Variants in DENND1A observed in about 807,000 individuals in gnomAD.
DENND1A encodes DENN domain-containing protein 1A.
In DENND1A, 51 loss-of-function variants were observed where a neutral mutation model predicts 113.7. The observed-to-expected ratio is 0.45, with a 90% CI of 0.36 to 0.57. The LOEUF (loss-of-function observed/expected upper bound fraction) is 0.57. Among genes scored for constraint, DENND1A ranks in the 20% least tolerant of loss-of-function variants. DENND1A has a pLI of 0.00. For synonymous variants in DENND1A, 565 were observed against 570.8 expected, an observed-to-expected ratio of 0.99 and a Z score of 0.14; for missense variants, 1,258 against 1,395.9, an observed-to-expected ratio of 0.90 and a Z score of 1.57.
At chr9:123,456,582 A>G (rs1239740297) in intron 15 of DENND1A, among the ~76,000 whole-genome samples, 1 of 152,212 alleles carries the variant, frequency 6.6e-6, no homozygotes, top group East Asian at 1.9e-4. Flanking sequence ...AGGCTGAGGC[A>G]GGTGGATCAC....
chr9:123,848,746 T>C (rs1195412367), intron 2 of DENND1A, among the ~76,000 whole-genome samples: 1 of 152,192 alleles, frequency 6.6e-6, no homozygotes, highest in Non-Finnish European at 1.5e-5. Flanking sequence ...CCAAAGGAAA[T>C]GTTCTTGAAG....
chr9:123,505,466 T>A (rs1211266570), intron 13 of DENND1A, among the ~76,000 whole-genome samples: 1 of 152,206 alleles, frequency 6.6e-6, no homozygotes, highest in African/African-American at 2.4e-5. Context: ...AGTTAACATA[T>A]CCCTACCAGA....
At chr9:123,397,529 G>T (rs1470646885) in intron 21 of DENND1A, among the ~76,000 whole-genome samples, 2 of 152,150 alleles carry the variant, frequency 1.3e-5, no homozygotes, top group Non-Finnish European at 2.9e-5. Context: ...CAGTATGAGG[G>T]CAATAGTTAG....
At chr9:123,480,363 C>T (rs1463075328) in intron 13 of DENND1A, among the ~76,000 whole-genome samples, 1 of 152,200 alleles carries the variant, frequency 6.6e-6, no homozygotes, top group Non-Finnish European at 1.5e-5. Context: ...GCTTAGCGTG[C>T]CAGCCCCCCA....
intron 5 of DENND1A, among the ~76,000 whole-genome samples, chr9:123,734,987 A>G (rs1216778954): frequency 2.6e-5 from 4 of 152,144 alleles, no homozygotes; most frequent in Non-Finnish European, 4.4e-5. Context: ...GATTGCTCTC[A>G]TTACGTAGAT....
intron 1 of DENND1A, among the ~76,000 whole-genome samples, chr9:123,885,218 G>C (rs945702929): frequency 2.6e-5 from 4 of 152,150 alleles, no homozygotes; most frequent in Non-Finnish European, 5.9e-5. Flanking sequence ...CTATATCGCA[G>C]ACCAATTAAA....
chr9:123,527,243 T>C (rs1418170753), intron 13 of DENND1A, among the ~76,000 whole-genome samples: 1 of 152,214 alleles, frequency 6.6e-6, no homozygotes, highest in Non-Finnish European at 1.5e-5. Flanking sequence ...GACAGCCTCC[T>C]TGGCGGCTTC....
intron 2 of DENND1A, among the ~76,000 whole-genome samples, chr9:123,841,824 G>GGGTGAGCAGGAAGGCA (rs1841882585): frequency 6.6e-6 from 1 of 152,154 alleles, no homozygotes; most frequent in African/African-American, 2.4e-5. Flanking sequence ...TGAATATAGA[G>GGGTGAGCAGGAAGGCA]GGTGAGCAGG....
At chr9:123,815,990 GTAC>G (rs1306891677) in intron 2 of DENND1A, among the ~76,000 whole-genome samples, 3 of 125,356 alleles carry the variant, frequency 2.4e-5, no homozygotes, top group Non-Finnish European at 5.0e-5. Flanking sequence ...CAAAGTGACT[GTAC>G]TTTTTTTTTT....
At chr9:123,481,009 CACTG>C (rs927744081) in intron 13 of DENND1A, among the ~76,000 whole-genome samples, 4 of 152,250 alleles carry the variant, frequency 2.6e-5, no homozygotes, top group Non-Finnish European at 4.4e-5. Flanking sequence ...ATGCACTTCA[CACTG>C]ACTTTTTTTT....
intron 12 of DENND1A, among the ~76,000 whole-genome samples, chr9:123,562,291 G>C (rs1252386974): frequency 1.3e-5 from 2 of 152,068 alleles, no homozygotes; most frequent in Non-Finnish European, 2.9e-5. Context: ...CATGTCACTA[G>C]CTCAGTCCTG....
chr9:123,795,205 C>A (rs1833583175), intron 2 of DENND1A, among the ~76,000 whole-genome samples: 1 of 152,202 alleles, frequency 6.6e-6, no homozygotes, highest in Non-Finnish European at 1.5e-5. Context: ...GTCAACCTAT[C>A]AAGTTCCATT....
chr9:123,751,353 C>G (rs1465255341), intron 5 of DENND1A: 2 of 152,126 alleles, frequency 1.3e-5, no homozygotes, highest in East Asian at 3.9e-4. Context: ...AGTCCATATG[C>G]CAACTAGCAT....
chr9:123,479,849 T>C (rs1185148563), intron 13 of DENND1A, among the ~76,000 whole-genome samples: 1 of 152,240 alleles, frequency 6.6e-6, no homozygotes, highest in Non-Finnish European at 1.5e-5. Context: ...CTTTAGACGC[T>C]AACTGCAGGG....
At chr9:123,421,579 C>G (rs961690539) in intron 19 of DENND1A, among the ~76,000 whole-genome samples, 1 of 152,160 alleles carries the variant, frequency 6.6e-6, no homozygotes. Context: ...TCACCAGGCC[C>G]GTGTCCCTAC....
rs1199588049 is a variant in DENND1A at position 123,695,602 on chromosome 9, G to A, written c.303-18813C>T. Among the ~76,000 whole-genome samples the A allele has an allele frequency of 3.3e-5, 5 of 152,074 alleles. No individual in the cohort carries two copies. In the South Asian group the frequency reaches 6.2e-4, roughly 19 times the overall value. ...TGTGAGGTCCTTTGCTGGGTCCTGG[G>A]GCTAACAGGCGATTCTGATACAATC... On this transcript the variant is annotated intron_variant, in intron 5 of 23. Coordinates refer to ENST00000394215, the MANE Select transcript of DENND1A (RefSeq NM_001352964.2).
chr9:123,488,632 A>C (rs1181990728), intron 13 of DENND1A, among the ~76,000 whole-genome samples: 2 of 152,102 alleles, frequency 1.3e-5, no homozygotes, highest in African/African-American at 4.8e-5. Flanking sequence ...GGGCCTCCCC[A>C]CTCCACGTCC....
intron 13 of DENND1A, among the ~76,000 whole-genome samples, chr9:123,518,607 A>ATGACTG (rs2054131814): frequency 6.6e-6 from 1 of 152,194 alleles, no homozygotes; most frequent in Admixed American, 6.5e-5. Flanking sequence ...ATTTTAAAAA[A>ATGACTG]TGACTGTCTA....
At chr9:123,643,024 T>A (rs1369795155) in intron 9 of DENND1A, among the ~76,000 whole-genome samples, 1 of 152,126 alleles carries the variant, frequency 6.6e-6, no homozygotes, top group Admixed American at 6.5e-5. Context: ...AGACAATGGA[T>A]GCTGTCGGTG....
Sources: allele counts gnomAD v4.1 joint callset (sites outside exome capture counted in the v4.1 genomes callset), GRCh38; gene constraint gnomAD v4.1.1; transcripts MANE v1.5; gene names NCBI Gene and HGNC (gene_info 2026-07-23, HGNC 2026-07-21).